Variants in OTOA observed in about 807,000 individuals in gnomAD.
The protein encoded by OTOA is otoancorin.
Under a neutral mutation model 110.8 loss-of-function variants are expected in OTOA, and 70 were observed. That is an observed-to-expected ratio of 0.63 (90% confidence interval 0.52 to 0.77). The LOEUF (loss-of-function observed/expected upper bound fraction) is 0.77. OTOA is among the 30% of genes least tolerant of loss of function. OTOA has a pLI of 0.00. For missense variants in OTOA, 917 were observed against 1,075.8 expected, an observed-to-expected ratio of 0.85 and a Z score of 2.06; for synonymous variants, 373 against 431.5, an observed-to-expected ratio of 0.86 and a Z score of 1.68.
At chr16:21,728,198 T>A (rs1051708014) in intron 19 of OTOA, 43 bp from the exon 20 acceptor site, 1 of 1,611,272 alleles carries the variant, frequency 6.2e-7, no homozygotes, top group African/African-American at 1.3e-5. Flanking sequence ...CACGATCTTA[T>A]GCTCTGTTGG....
At chr16:21,675,337 T>TA (rs1966855777) in intron 1 of OTOA, among the ~76,000 whole-genome samples, 2 of 110,254 alleles carry the variant, frequency 1.8e-5, no homozygotes, top group Admixed American at 9.4e-5. Context: ...TTTTTTTTTT[T>TA]ATAGAGATGG....
intron 1 of OTOA, among the ~76,000 whole-genome samples, chr16:21,674,896 CTTT>C (rs60269668): frequency 6.4e-4 from 19 of 29,782 alleles, no homozygotes; most frequent in African/African-American, 3.3e-3. Flanking sequence ...TTTTAAAAAT[CTTT>C]TTTTTTTTTT....
chr16:21,692,503 A>G (rs1239928620), intron 9 of OTOA, among the ~76,000 whole-genome samples: 2 of 152,134 alleles, frequency 1.3e-5, no homozygotes, highest in African/African-American at 2.4e-5. Flanking sequence ...ATTCATAGAG[A>G]CAGAAATTAG....
chr16:21,684,311 A>T (rs1966957527), intron 6 of OTOA: 2 of 1,343,152 alleles, frequency 1.5e-6, no homozygotes, highest in East Asian at 5.6e-5. Flanking sequence ...CACACTGGGC[A>T]TGTCTGTTTA....
At chr16:21,678,419 T>C in intron 1 of OTOA, 92 bp from the exon 2 acceptor site, 1 of 774,484 alleles carries the variant, frequency 1.3e-6, no homozygotes, top group Middle Eastern at 3.9e-4. Flanking sequence ...TATATATATA[T>C]ATGTTTATAT....
intron 6 of OTOA, 22 bp from the exon 7 acceptor site, chr16:21,685,208 T>G: frequency 1.2e-6 from 2 of 1,609,980 alleles, no homozygotes; most frequent in Middle Eastern, 1.7e-4. Flanking sequence ...TCTCACCGAC[T>G]CTCCCAACAC....
intron 7 of OTOA, among the ~76,000 whole-genome samples, chr16:21,686,585 TC>T (rs1456806167): frequency 6.6e-6 from 1 of 152,122 alleles, no homozygotes; most frequent in African/African-American, 2.4e-5. Flanking sequence ...GAGCCACTGT[TC>T]CAGGCCAATC....
intron 12 of OTOA, among the ~76,000 whole-genome samples, chr16:21,707,128 G>T (rs1485049880): frequency 2.0e-5 from 3 of 151,910 alleles, no homozygotes; most frequent in Non-Finnish European, 2.9e-5. Context: ...GCCTCCCAAA[G>T]TACTGGGATT....
chr16:21,716,770 G>C (rs1898566931), intron 14 of OTOA, 137 bp from the exon 15 acceptor site: 1 of 964,392 alleles, frequency 1.0e-6, no homozygotes, highest in African/African-American at 1.6e-5. Context: ...GTGAAATGGG[G>C]ATGATGCTAC....
At chr16:21,693,375 T>A (rs747563013) in intron 9 of OTOA, among the ~76,000 whole-genome samples, 20 of 152,344 alleles carry the variant, frequency 1.3e-4, no homozygotes, top group Non-Finnish European at 2.6e-4. Flanking sequence ...AAACCTTTAA[T>A]GTCAGTAATG....
At chr16:21,681,200 A>G (rs1966887069) in intron 5 of OTOA, among the ~76,000 whole-genome samples, 1 of 152,198 alleles carries the variant, frequency 6.6e-6, no homozygotes, top group African/African-American at 2.4e-5. Context: ...AGAATATTGC[A>G]TACAGCTTAG....
At chr16:21,701,216 TG>T (rs1458125949) in intron 11 of OTOA, 189 bp downstream of exon 11, 5 of 812,126 alleles carry the variant, frequency 6.2e-6, no homozygotes, top group Non-Finnish European at 9.9e-6. Flanking sequence ...GTTATGAAGC[TG>T]GGTGAAAGGA....
intron 9 of OTOA, among the ~76,000 whole-genome samples, chr16:21,696,058 C>G (rs1440647231): frequency 6.6e-6 from 1 of 151,170 alleles, no homozygotes; most frequent in Non-Finnish European, 1.5e-5. Flanking sequence ...CCACGCCTGG[C>G]TAATTTTTGT....
chr16:21,681,651 A>G (rs1440379491), intron 5 of OTOA, 87 bp from the exon 6 acceptor site: 5 of 1,113,500 alleles, frequency 4.5e-6, no homozygotes, highest in Non-Finnish European at 6.8e-6. Context: ...GTCCATCCCT[A>G]CCTGTCCCCT....
chr16:21,689,685 T>C (rs985706733), intron 8 of OTOA, among the ~76,000 whole-genome samples: 3 of 151,920 alleles, frequency 2.0e-5, no homozygotes, highest in African/African-American at 7.2e-5. Flanking sequence ...ACTTTATTTA[T>C]GTAATTTTTT....
At position 21,722,906 on chromosome 16, in the gene OTOA, T is replaced by C. The variant is rs1352207095; in HGVS notation, c.1808T>C (p.Val603Ala). ...NNFALLSPYQ[V>A]NCLAWKYWEV... Reference sequence around the variant, plus strand: ...CCCCAGAACTGCTTAATCTTTCAGGTTAATTGTTTGGCGTGGAAATACTGG... The same window carrying C: ...CCCCAGAACTGCTTAATCTTTCAGGCTAATTGTTTGGCGTGGAAATACTGG... Residue 603 changes from valine (V) to alanine (A), a missense_variant and splice_region_variant, in exon 18 of 29, where the codon GTT becomes GCT. Coordinates refer to ENST00000646100, the MANE Select transcript of OTOA (RefSeq NM_144672.4). 1.2e-6 allele frequency: 2 copies of C among 1,614,034 alleles called. No individual in the cohort carries two copies. Among genetic ancestry groups the C allele is most frequent in the Admixed American group, 1.7e-5 (1 of 60,016 alleles).
At chr16:21,711,775 CCTT>C (rs1334427180) in intron 13 of OTOA, among the ~76,000 whole-genome samples, 4 of 152,128 alleles carry the variant, frequency 2.6e-5, no homozygotes, top group African/African-American at 9.6e-5. Flanking sequence ...CTTTTGGTGT[CCTT>C]CTCGTTTAGT....
Position 21,668,354 on chromosome 16 carries a change from C to T in OTOA, c.-5+4122C>T, listed in dbSNP as rs150241185. Among the ~76,000 whole-genome samples the T allele has an allele frequency of 9.2e-5, 14 of 152,244 alleles. No homozygotes were observed. In the East Asian group the frequency reaches 2.7e-3, roughly 29 times the overall value. On this transcript the variant is annotated intron_variant, in intron 1 of 28. Transcript: ENST00000646100. ...CAAACTCCTGGCCTCAAACAATCCT[C>T]CGCCTTGGCCTCCCAAAACACTGGG...
At chr16:21,695,887 ATATATTT>A (rs1410311828) in intron 9 of OTOA, among the ~76,000 whole-genome samples, 2 of 61,636 alleles carry the variant, frequency 3.2e-5, no homozygotes, top group Non-Finnish European at 5.6e-5. Context: ...ATATATATAT[ATATATTT>A]TTTTTTTTTT....
Sources: gnomAD v4.1 joint callset for allele counts (sites outside exome capture counted in the v4.1 genomes callset) on GRCh38, gnomAD v4.1.1 for gene constraint, MANE v1.5 for transcripts, NCBI Gene and HGNC (gene_info 2026-07-23, HGNC 2026-07-21) for gene names.